PCDHGB6: variants seen among roughly 807,000 people sequenced by gnomAD.
The protein encoded by PCDHGB6 is protocadherin gamma subfamily B, 6, also known as protocadherin gamma-B6.
In PCDHGB6, 51 loss-of-function variants were observed where a neutral mutation model predicts 59.1. The observed-to-expected ratio is 0.86, with a 90% CI of 0.69 to 1.09. The LOEUF (loss-of-function observed/expected upper bound fraction) is 1.09. Among genes scored for constraint, PCDHGB6 ranks in the 50% least tolerant of loss-of-function variants. The pLI, the probability that PCDHGB6 is intolerant of heterozygous loss-of-function variation, is 0.00. For synonymous variants in PCDHGB6, 466 were observed against 495.1 expected (o/e 0.94, Z 0.78); for missense variants, 1,148 against 1,205.1 (o/e 0.95, Z 0.70).
At chr5:141,510,134 C>T (rs1273076437) in intron 3 of PCDHGB6, among the ~76,000 whole-genome samples, 1 of 152,064 alleles carries the variant, frequency 6.6e-6, no homozygotes, top group East Asian at 1.9e-4. Context: ...ATTAGCTGGG[C>T]TAGTGGTGTG....
At position 141,432,459 on chromosome 5, in the gene PCDHGB6, T is replaced by A. The variant is rs1230209932; in HGVS notation, c.2418+21839T>A. The A allele has an allele frequency of 1.2e-6, 2 of 1,613,984 alleles. No homozygotes were observed. Among genetic ancestry groups the A allele is most frequent in the South Asian group, 1.1e-5 (1 of 91,082 alleles). ...GCGCCCGAGATCCTGTACCCCGCCCTCCCCACGGACGGTTCCACTGGCGTG... is the reference window on the plus strand; with the variant it reads ...GCGCCCGAGATCCTGTACCCCGCCCACCCCACGGACGGTTCCACTGGCGTG... On this transcript the variant is annotated intron_variant, in intron 1 of 3. Transcript: ENST00000520790. The surrounding 1 kb of genome is among the most constrained non-coding windows in gnomAD (Gnocchi z 6.0).
chr5:141,462,959 G>A lies in PCDHGB6; in HGVS notation c.2419-31848G>A, dbSNP rs188938907. 5.1e-3 allele frequency among the ~76,000 whole-genome samples: 776 copies of A among 152,188 alleles called. 5 individuals are homozygous for A. Among genetic ancestry groups the A allele is most frequent in the Non-Finnish European group, 8.2e-3 (557 of 67,994 alleles). On this transcript the variant is annotated intron_variant, in intron 1 of 3. Transcript: ENST00000520790. ...AAGGCTTGTTTTTAAGCTTTGTTAGGACAGGTCTGTAGTAACTTTTGCCTT... is the reference window on the plus strand; with the variant it reads ...AAGGCTTGTTTTTAAGCTTTGTTAGAACAGGTCTGTAGTAACTTTTGCCTT...
chr5:141,432,336 G>A lies in PCDHGB6; in HGVS notation c.2418+21716G>A. On this transcript the variant is annotated intron_variant, in intron 1 of 3. Coordinates refer to ENST00000520790, the MANE Select transcript of PCDHGB6 (RefSeq NM_018926.3). The surrounding 1 kb of genome is among the most constrained non-coding windows in gnomAD (Gnocchi z 6.0). ...AGCTCCTTCGACTACGAGCAGTTCC[G>A]AGACTTGCAAGTGAAAGTGATGGCG... 1.2e-6 allele frequency: 2 copies of A among 1,614,250 alleles called. No homozygotes were observed. The highest frequency in any genetic ancestry group is 1.7e-6 in the Non-Finnish European group (2 of 1,180,040).
chr5:141,503,343 T>C (rs558650835), intron 2 of PCDHGB6, among the ~76,000 whole-genome samples: 87 of 152,106 alleles, frequency 5.7e-4, no homozygotes, highest in South Asian at 1.2e-3. Flanking sequence ...ACGCCTGTAA[T>C]TCCAGCACTT....
intron 3 of PCDHGB6, among the ~76,000 whole-genome samples, chr5:141,510,329 A>T (rs1433056614): frequency 2.7e-5 from 4 of 150,230 alleles, no homozygotes; most frequent in Admixed American, 2.7e-4. Flanking sequence ...AGCACTCTTC[A>T]CCCCCACCCC....
chr5:141,426,629 T>G (rs1384012221), intron 1 of PCDHGB6: 4 of 397,284 alleles, frequency 1.0e-5, no homozygotes, highest in South Asian at 7.2e-5. Context: ...CTCTAAATGT[T>G]TTTCACATAA....
In PCDHGB6 at chr5:141,485,632, G is replaced by A. The variant is rs1335265010; in HGVS notation, c.2419-9175G>A. On this transcript the variant is annotated intron_variant, in intron 1 of 3. Transcript: ENST00000520790. This position sits in a 1 kb window ranked among gnomAD's most constrained non-coding sequence, Gnocchi z 5.7. ...CAGCTCCTCCAGGACAGCGTTTCCCGTTGGAAAAGGCTCAGGATGCAGATG... is the reference window on the plus strand; with the variant it reads ...CAGCTCCTCCAGGACAGCGTTTCCCATTGGAAAAGGCTCAGGATGCAGATG... 1.2e-6 allele frequency: 2 copies of A among 1,611,766 alleles called. No homozygotes were observed. The highest frequency in any genetic ancestry group is 1.7e-6 in the Non-Finnish European group (2 of 1,178,342).
intron 1 of PCDHGB6, chr5:141,419,023 A>C: frequency 6.2e-7 from 1 of 1,613,958 alleles, no homozygotes; most frequent in East Asian, 2.2e-5. Context: ...GCTTAAGTAG[A>C]GGTGTTCCAT....
intron 2 of PCDHGB6, among the ~76,000 whole-genome samples, chr5:141,498,792 G>A (rs1217057199): frequency 2.6e-5 from 4 of 152,086 alleles, no homozygotes; most frequent in Admixed American, 2.6e-4. Context: ...TATTAGCCAG[G>A]TGTGGTGGTG....
At chr5:141,423,120 G>A in intron 1 of PCDHGB6, 1 of 1,613,800 alleles carries the variant, frequency 6.2e-7, no homozygotes. Flanking sequence ...GTACAGCGCG[G>A]GCACTGCTGG....
intron 1 of PCDHGB6, chr5:141,415,367 CT>C (rs2095859649): frequency 6.2e-7 from 1 of 1,614,118 alleles, no homozygotes; most frequent in African/African-American, 1.3e-5. Flanking sequence ...CTGCTGCAGG[CT>C]TCAGGAGGCG....
intron 1 of PCDHGB6, chr5:141,413,935 A>T: frequency 6.2e-7 from 1 of 1,613,372 alleles, no homozygotes; most frequent in Non-Finnish European, 8.5e-7. Flanking sequence ...ATACCGAGTG[A>T]GTGTTCCTGA....
chr5:141,427,892 C>G (rs752723370), intron 1 of PCDHGB6: 2 of 1,567,044 alleles, frequency 1.3e-6, no homozygotes, highest in African/African-American at 2.7e-5. Context: ...ACGACCAGGG[C>G]TCGCCCGCGC....
intron 1 of PCDHGB6, among the ~76,000 whole-genome samples, chr5:141,492,490 G>C (rs2099741140): frequency 6.6e-6 from 1 of 152,208 alleles, no homozygotes; most frequent in Non-Finnish European, 1.5e-5. Context: ...CCAGGACCAG[G>C]CGAGGACTCC....
intron 1 of PCDHGB6, among the ~76,000 whole-genome samples, chr5:141,484,207 A>G (rs898823095): frequency 2.6e-5 from 4 of 152,218 alleles, no homozygotes; most frequent in Non-Finnish European, 5.9e-5. Context: ...ATCTATGAAC[A>G]TTAGCATTCT....
At chr5:141,437,013 A>G (rs570721163) in intron 1 of PCDHGB6, among the ~76,000 whole-genome samples, 146 of 152,354 alleles carry the variant, frequency 9.6e-4, no homozygotes, top group Non-Finnish European at 1.2e-3. Flanking sequence ...ATCTTAGATA[A>G]TTTCACCAGA....
chr5:141,421,047 C>G, intron 1 of PCDHGB6: 1 of 552,794 alleles, frequency 1.8e-6, no homozygotes, highest in Middle Eastern at 4.8e-4. Flanking sequence ...CCTCCCCCGC[C>G]TCTACCACAC....
chr5:141,477,752 G>C lies in PCDHGB6; in HGVS notation c.2419-17055G>C. On this transcript the variant is annotated intron_variant, in intron 1 of 3. Coordinates refer to ENST00000520790, the MANE Select transcript of PCDHGB6 (RefSeq NM_018926.3). This position sits in a 1 kb window ranked among gnomAD's most constrained non-coding sequence, Gnocchi z 4.9. ...TCATATCAGCGATGGGGGCACCCCG[G>C]TCCTAGCCACCAACATCAGCGTGAA... The C allele has an allele frequency of 6.2e-7, 1 of 1,613,868 alleles. No homozygotes were observed.
At chr5:141,475,987 C>A in intron 1 of PCDHGB6, 2 of 1,101,540 alleles carry the variant, frequency 1.8e-6, no homozygotes, top group Non-Finnish European at 2.6e-6. Flanking sequence ...AGCCGGCGAG[C>A]AAATCAACGG....
Sources: allele counts gnomAD v4.1 joint callset (sites outside exome capture counted in the v4.1 genomes callset), GRCh38; gene constraint gnomAD v4.1.1; non-coding constraint Gnocchi (gnomAD v3.1); transcripts MANE v1.5; gene names NCBI Gene and HGNC (gene_info 2026-07-23, HGNC 2026-07-21).